The following NCALD variants were observed in gnomAD, a reference collection of about 807,000 sequenced individuals.
NCALD encodes neurocalcin delta, also known as neurocalcin-delta.
In NCALD, 10 loss-of-function variants were observed where a neutral mutation model predicts 18.6. That is an observed-to-expected ratio of 0.54 (90% CI 0.33 to 0.91). NCALD has a LOEUF of 0.91. Ranked by LOEUF, NCALD falls within the 40% of genes least tolerant of loss-of-function variation. NCALD has a pLI of 0.03. For missense variants in NCALD, 184 were observed against 247.6 expected, an observed-to-expected ratio of 0.74 and a Z score of 1.72; for synonymous variants, 88 against 87.4, an observed-to-expected ratio of 1.01 and a Z score of -0.04.
chr8:101,931,370 C>A (rs1818565632), intron 2 of NCALD, among the ~76,000 whole-genome samples: 1 of 152,150 alleles, frequency 6.6e-6, no homozygotes, highest in Non-Finnish European at 1.5e-5. Context: ...ATACTGGTGG[C>A]CCTAAAATAA....
At chr8:101,723,494 T>C (rs564901237) in intron 1 of NCALD, among the ~76,000 whole-genome samples, 13 of 152,340 alleles carry the variant, frequency 8.5e-5, no homozygotes, top group African/African-American at 3.1e-4. Context: ...TACACTCTCC[T>C]ATACTATCAA....
chr8:102,111,882 A>C (rs1354602671), intron 1 of NCALD, among the ~76,000 whole-genome samples: 1 of 152,194 alleles, frequency 6.6e-6, no homozygotes, highest in Non-Finnish European at 1.5e-5. Flanking sequence ...AAGACCCCAA[A>C]TATTAACTCT....
At position 101,850,059 on chromosome 8, in the gene NCALD, T is replaced by A. The variant is rs1257430520; in HGVS notation, c.-20+37082A>T. On this transcript the variant is annotated intron_variant, in intron 4 of 6. Coordinates refer to the NCALD transcript ENST00000311028. Reference sequence around the variant, plus strand: ...TCTGAAGAGGGCTCTGGACTGAGCATGTACCTAAGTCTAGCTCTGCCGGGT... The same window carrying A: ...TCTGAAGAGGGCTCTGGACTGAGCAAGTACCTAAGTCTAGCTCTGCCGGGT... 2.0e-5 allele frequency among the ~76,000 whole-genome samples: 3 copies of A among 152,200 alleles called. No homozygotes were observed. The East Asian group carries it at 5.8e-4, about 29-fold the overall frequency.
chr8:101,694,946 A>C (rs1814919347), intron 2 of NCALD, among the ~76,000 whole-genome samples: 1 of 152,182 alleles, frequency 6.6e-6, no homozygotes, highest in Non-Finnish European at 1.5e-5. Flanking sequence ...TCACACCAGC[A>C]AAAGTCTTGA....
At chr8:102,005,203 A>G in intron 2 of NCALD, among the ~76,000 whole-genome samples, 1 of 152,240 alleles carries the variant, frequency 6.6e-6, no homozygotes, top group East Asian at 1.9e-4. Flanking sequence ...AACCCCATCA[A>G]CAAGTGGGCG....
At chr8:101,845,659 T>C (rs1228218133) in intron 4 of NCALD, among the ~76,000 whole-genome samples, 1 of 152,238 alleles carries the variant, frequency 6.6e-6, no homozygotes, top group Non-Finnish European at 1.5e-5. Context: ...CCAACATTTA[T>C]CATTTCTTTG....
chr8:101,895,553 A>G (rs1365892236), intron 3 of NCALD, among the ~76,000 whole-genome samples: 133 of 150,496 alleles, frequency 8.8e-4, no homozygotes, highest in African/African-American at 3.2e-3. Context: ...GTATTCAATT[A>G]GGAAAAGAGG....
At chr8:102,113,038 A>G (rs2132457694) in intron 1 of NCALD, among the ~76,000 whole-genome samples, 1 of 152,362 alleles carries the variant, frequency 6.6e-6, no homozygotes, top group African/African-American at 2.4e-5. Flanking sequence ...TAGCAACGCA[A>G]AATGGACCAA....
At chr8:102,095,560 G>A (rs1481991501) in intron 1 of NCALD, among the ~76,000 whole-genome samples, 3 of 152,116 alleles carry the variant, frequency 2.0e-5, no homozygotes, top group African/African-American at 7.2e-5. Context: ...CATTGTTAGT[G>A]GGTTCATTAA....
At chr8:101,985,634 G>GA (rs1357469653) in intron 2 of NCALD, among the ~76,000 whole-genome samples, 2 of 152,192 alleles carry the variant, frequency 1.3e-5, no homozygotes, top group Non-Finnish European at 2.9e-5. Flanking sequence ...TTAAGGGCTA[G>GA]AAAAATTAAA....
At chr8:102,020,072 G>T (rs1273544925) in intron 2 of NCALD, among the ~76,000 whole-genome samples, 3 of 151,990 alleles carry the variant, frequency 2.0e-5, no homozygotes, top group Admixed American at 1.3e-4. Context: ...ACATTTTTGT[G>T]CATGTCAAGT....
chr8:101,900,845 T>C (rs1254300871), intron 3 of NCALD, among the ~76,000 whole-genome samples: 1 of 152,074 alleles, frequency 6.6e-6, no homozygotes, highest in Admixed American at 6.5e-5. Flanking sequence ...AAATTAGATC[T>C]AGTTGATTGA....
rs559898021 is a variant in NCALD, at chr8:102,023,855, G to A, written c.-209-3566C>T. 1.1e-4 allele frequency among the ~76,000 whole-genome samples: 16 copies of A among 152,222 alleles called. 1 individual carries two copies. Among genetic ancestry groups the A allele is most frequent in the South Asian group, 4.1e-4 (2 of 4,820 alleles). Reference sequence around the variant, plus strand: ...CTTGACCCGTCCTAGCTGTGTTTCCGTCTCAATGATAGGATACAAATGGGC... The same window carrying A: ...CTTGACCCGTCCTAGCTGTGTTTCCATCTCAATGATAGGATACAAATGGGC... On this transcript the variant is annotated intron_variant, in intron 1 of 6. Coordinates refer to the NCALD transcript ENST00000311028.
intron 1 of NCALD, among the ~76,000 whole-genome samples, chr8:101,740,020 G>A (rs1411845370): frequency 6.6e-6 from 1 of 152,176 alleles, no homozygotes; most frequent in Non-Finnish European, 1.5e-5. Context: ...ACAAGGCCTA[G>A]CAAGTAACAG....
At position 101,870,091 on chromosome 8, in the gene NCALD, G is replaced by T. The variant is rs552385730; in HGVS notation, c.-20+17050C>A. Among the ~76,000 whole-genome samples the T allele has an allele frequency of 1.6e-4, 25 of 152,298 alleles. 1 individual carries two copies. The South Asian group carries it at 3.9e-3, about 24-fold the overall frequency. On this transcript the variant is annotated intron_variant, in intron 4 of 6. Coordinates refer to the NCALD transcript ENST00000311028. ...AGAAAATACACTAGTTCATGAGCAT[G>T]GGCACAATACTAACTCACCAGACGA...
At chr8:101,740,659 G>A (rs1020520874) in intron 1 of NCALD, among the ~76,000 whole-genome samples, 1 of 152,202 alleles carries the variant, frequency 6.6e-6, no homozygotes, top group Non-Finnish European at 1.5e-5. Context: ...AATCTAAAGA[G>A]AGGAAAGATG....
chr8:101,826,544 CCA>C (rs1321781923), intron 4 of NCALD, among the ~76,000 whole-genome samples: 1 of 152,160 alleles, frequency 6.6e-6, no homozygotes, highest in African/African-American at 2.4e-5. Flanking sequence ...AGCTTCTACT[CCA>C]GATAAAAGCT....
At chr8:102,003,560 T>G (rs1343371291) in intron 2 of NCALD, among the ~76,000 whole-genome samples, 1 of 152,174 alleles carries the variant, frequency 6.6e-6, no homozygotes, top group Non-Finnish European at 1.5e-5. Context: ...TACCAAAGCC[T>G]GGCAGAGACA....
At chr8:102,003,251 C>G (rs1387100961) in intron 2 of NCALD, among the ~76,000 whole-genome samples, 2 of 152,170 alleles carry the variant, frequency 1.3e-5, no homozygotes, top group African/African-American at 4.8e-5. Flanking sequence ...ACTATAAACA[C>G]CTCTATGCAA....
Sources: gnomAD v4.1 joint callset for allele counts (sites outside exome capture counted in the v4.1 genomes callset) on GRCh38, gnomAD v4.1.1 for gene constraint, MANE v1.5 for transcripts, NCBI Gene and HGNC (gene_info 2026-07-23, HGNC 2026-07-21) for gene names.